The following LRRC74A variants were observed in gnomAD, a reference collection of about 807,000 sequenced individuals.
LRRC74A encodes leucine-rich repeat-containing protein 74A.
A neutral mutation model predicts 57.9 loss-of-function variants in LRRC74A; 44 were observed. The observed-to-expected ratio is 0.76, with a 90% CI of 0.60 to 0.98. The LOEUF is 0.98. Among genes scored for constraint, LRRC74A ranks in the 50% least tolerant of loss-of-function variants. The pLI is 0.00. For synonymous variants in LRRC74A, 211 were observed against 219.4 expected (o/e 0.96, Z 0.34); for missense variants, 572 against 574.0 (o/e 1.00, Z 0.04).
At chr14:76,866,303 AG>A (rs1343497239) in intron 12 of LRRC74A, among the ~76,000 whole-genome samples, 2 of 152,168 alleles carry the variant, frequency 1.3e-5, no homozygotes, top group Non-Finnish European at 2.9e-5. Flanking sequence ...TGATGCCACC[AG>A]TGACCCGAGA....
At position 76,851,703 on chromosome 14, in the gene LRRC74A, G is replaced by T. The variant is rs200127987; in HGVS notation, c.677-662G>T. The stretch of plus-strand genomic sequence containing the variant: ...TTTTTTTGAGACAGAGTCTCGCTCT[G>T]TCGCCAGGCTGGAGTGCAGTGGCGT... On this transcript the variant is annotated intron_variant, in intron 7 of 13. Transcript: ENST00000689127. Among the ~76,000 whole-genome samples, 81 of 136,476 alleles carry T rather than the reference G, an allele frequency of 5.9e-4. 2 individuals are homozygous for T. The East Asian group carries it at 0.018, about 30-fold the overall frequency. 89.5% of individuals were successfully genotyped at this position (136,476 alleles called of 152,430 possible).
chr14:76,837,248 G>A (rs563719108), intron 4 of LRRC74A, among the ~76,000 whole-genome samples: 3 of 152,264 alleles, frequency 2.0e-5, no homozygotes, highest in African/African-American at 7.2e-5. Flanking sequence ...GCCTAGAGAT[G>A]GCTGGCGGTG....
In LRRC74A at chr14:76,826,815, A is replaced by G. The variant is rs937485572; in HGVS notation, c.37+81A>G. 1.1e-5 allele frequency: 11 copies of G among 960,262 alleles called. No homozygotes were observed. The African/African-American group carries it at 1.8e-4, about 16-fold the overall frequency. 59.5% of individuals were successfully genotyped at this position (960,262 alleles called of 1,614,324 possible). ...ACACCTAGTGATCACAGGACCCTGA[A>G]GCCCACTTCTTTCCTCACCTGGGAC... On this transcript the variant is annotated intron_variant, in intron 1 of 13. Transcript: ENST00000689127.
At position 76,846,523 on chromosome 14, in the gene LRRC74A, G is replaced by A. The variant is rs79951454; in HGVS notation, c.676+1622G>A. 1.7e-3 allele frequency among the ~76,000 whole-genome samples: 254 copies of A among 152,248 alleles called. 3 individuals are homozygous for A. In the East Asian group the frequency reaches 0.037, roughly 22 times the overall value. On this transcript the variant is annotated intron_variant, in intron 7 of 13. Transcript: ENST00000689127. ...TAACAACCTAAATAGTCATCCCCAG[G>A]CAAATGAGTACAAAAGAGGAAGTTG...
intron 7 of LRRC74A, among the ~76,000 whole-genome samples, chr14:76,850,669 C>G (rs183046403): frequency 6.6e-6 from 1 of 151,872 alleles, no homozygotes; most frequent in South Asian, 2.1e-4. Flanking sequence ...GAGTTCGAGA[C>G]CAGCCTGACC....
intron 10 of LRRC74A, 110 bp downstream of exon 10, chr14:76,857,585 C>A (rs971512614): frequency 8.9e-5 from 64 of 720,978 alleles, no homozygotes; most frequent in Non-Finnish European, 1.4e-4. Context: ...CAGGCCCTCA[C>A]ACAAGTGCTC....
chr14:76,858,910 T>A (rs558008613), intron 10 of LRRC74A, among the ~76,000 whole-genome samples: 1 of 152,202 alleles, frequency 6.6e-6, no homozygotes, highest in Non-Finnish European at 1.5e-5. Flanking sequence ...CATTTGAATA[T>A]GTAAACCCAA....
intron 2 of LRRC74A, chr14:76,829,048 T>G: frequency 2.3e-6 from 3 of 1,289,348 alleles, no homozygotes; most frequent in Non-Finnish European, 3.0e-6. Flanking sequence ...AAACAAAGAC[T>G]CTGTTAATGC....
chr14:76,864,410 A>AGGGGGGGGGGGGGGGGG (rs533189641), intron 11 of LRRC74A, among the ~76,000 whole-genome samples: 1 of 50,220 alleles, frequency 2.0e-5, no homozygotes, highest in Non-Finnish European at 3.5e-5. Flanking sequence ...AGTGAGAGGA[A>AGGGGGGGGGGGGGGGGG]GGGGGGGGGG....
Sources: gnomAD v4.1 joint callset for allele counts (sites outside exome capture counted in the v4.1 genomes callset) on GRCh38, gnomAD v4.1.1 for gene constraint, MANE v1.5 for transcripts, NCBI Gene and HGNC (gene_info 2026-07-23, HGNC 2026-07-21) for gene names.